SND1: variants seen among roughly 807,000 people sequenced by gnomAD.
The protein encoded by SND1 is staphylococcal nuclease and tudor domain containing 1, also known as staphylococcal nuclease domain-containing protein 1.
SND1 carries 38 observed loss-of-function variants against 121.7 expected under a neutral mutation model. The observed-to-expected ratio is 0.31, with a 90% CI of 0.24 to 0.41. The LOEUF (loss-of-function observed/expected upper bound fraction) is 0.41, where lower values mean the gene tolerates loss of function less well. SND1 is among the 10% of genes least tolerant of loss of function. SND1 has a pLI of 1.00. For synonymous variants in SND1, 401 were observed against 447.4 expected, an observed-to-expected ratio of 0.90 and a Z score of 1.31; for missense variants, 868 against 1,184.6, an observed-to-expected ratio of 0.73 and a Z score of 3.92.
intron 1 of SND1, among the ~76,000 whole-genome samples, chr7:127,674,152 C>A (rs1795577047): frequency 6.6e-6 from 1 of 152,018 alleles, no homozygotes; most frequent in African/African-American, 2.4e-5. Flanking sequence ...CTGCCCTCCT[C>A]CCTCCTTCCG....
intron 12 of SND1, among the ~76,000 whole-genome samples, chr7:127,866,783 T>C (rs1467032968): frequency 2.0e-5 from 3 of 152,344 alleles, no homozygotes; most frequent in African/African-American, 7.2e-5. Context: ...CTGTCAGCAG[T>C]CTCATCTCTT....
chr7:128,064,359 C>A (rs1432865239), intron 16 of SND1, among the ~76,000 whole-genome samples: 3 of 152,100 alleles, frequency 2.0e-5, no homozygotes, highest in African/African-American at 7.2e-5. Flanking sequence ...TCCTTAGAGA[C>A]AAGTCTGGTA....
chr7:128,062,874 T>C (rs2117036166), intron 16 of SND1, among the ~76,000 whole-genome samples: 1 of 152,320 alleles, frequency 6.6e-6, no homozygotes, highest in South Asian at 2.1e-4. Context: ...AGCAACTGCC[T>C]TTCCTCAAAG....
chr7:127,782,132 T>A (rs1009380336), intron 10 of SND1, among the ~76,000 whole-genome samples: 1 of 152,188 alleles, frequency 6.6e-6, no homozygotes, highest in East Asian at 1.9e-4. Flanking sequence ...CTTAGTCCAG[T>A]GCCTTATTTA....
At chr7:127,744,984 A>G (rs1185205980) in intron 10 of SND1, among the ~76,000 whole-genome samples, 3 of 152,226 alleles carry the variant, frequency 2.0e-5, no homozygotes, top group East Asian at 1.9e-4. Flanking sequence ...CTTCTGTTAC[A>G]TTCATAAACT....
At chr7:127,655,282 A>G (rs952767220) in intron 1 of SND1, among the ~76,000 whole-genome samples, 3 of 152,208 alleles carry the variant, frequency 2.0e-5, no homozygotes, top group African/African-American at 7.2e-5. Flanking sequence ...CTATCCTGTT[A>G]AGTCCTACAT....
intron 12 of SND1, among the ~76,000 whole-genome samples, chr7:127,848,518 C>T (rs1435363087): frequency 6.6e-6 from 1 of 152,172 alleles, no homozygotes; most frequent in Non-Finnish European, 1.5e-5. Flanking sequence ...CTTGCATAGC[C>T]TCTGAAAAGT....
intron 12 of SND1, among the ~76,000 whole-genome samples, chr7:127,862,395 C>G (rs1162935881): frequency 2.6e-5 from 4 of 152,144 alleles, no homozygotes; most frequent in Non-Finnish European, 5.9e-5. Context: ...TAGGACAATT[C>G]CCCATTTGCA....
intron 14 of SND1, among the ~76,000 whole-genome samples, chr7:127,927,563 T>C (rs563635851): frequency 1.3e-5 from 2 of 152,310 alleles, no homozygotes; most frequent in South Asian, 4.1e-4. Context: ...AAGTGTTCAA[T>C]GGGGAAGTTT....
At chr7:128,003,491 A>G (rs1003074937) in intron 16 of SND1, among the ~76,000 whole-genome samples, 2 of 152,184 alleles carry the variant, frequency 1.3e-5, no homozygotes, top group African/African-American at 4.8e-5. Flanking sequence ...GTGTACAGCT[A>G]GAGGTGGAAG....
At chr7:128,087,329 G>T (rs1423942898) in intron 21 of SND1, among the ~76,000 whole-genome samples, 2 of 152,076 alleles carry the variant, frequency 1.3e-5, no homozygotes, top group African/African-American at 2.4e-5. Flanking sequence ...GAGGTGATCA[G>T]GCAGTGGCAG....
intron 10 of SND1, among the ~76,000 whole-genome samples, chr7:127,786,354 G>A (rs1384792422): frequency 6.6e-6 from 1 of 152,174 alleles, no homozygotes; most frequent in African/African-American, 2.4e-5. Flanking sequence ...AAGTAAAGAA[G>A]TCATCTGGAT....
intron 16 of SND1, among the ~76,000 whole-genome samples, chr7:128,070,922 C>T (rs1451742441): frequency 3.3e-5 from 5 of 152,150 alleles, no homozygotes; most frequent in Admixed American, 1.3e-4. Context: ...AGTCATCTGG[C>T]GGGGCACATT....
chr7:127,744,549 A>G (rs1796944116), intron 10 of SND1, among the ~76,000 whole-genome samples: 1 of 152,186 alleles, frequency 6.6e-6, no homozygotes, highest in African/African-American at 2.4e-5. Context: ...TATAAGAGAC[A>G]TTTTGAACTG....
chr7:127,920,858 CAA>C (rs34784173), intron 14 of SND1, among the ~76,000 whole-genome samples: 10 of 120,398 alleles, frequency 8.3e-5, no homozygotes, highest in African/African-American at 1.8e-4. Flanking sequence ...CTTATCTTAA[CAA>C]AAAAAAAAAA....
chr7:127,897,546 T>C lies in SND1; in HGVS notation c.1455-7201T>C, dbSNP rs148606597. 4.3e-4 allele frequency among the ~76,000 whole-genome samples: 65 copies of C among 152,246 alleles called. 1 individual carries two copies. Among genetic ancestry groups the C allele is most frequent in the African/African-American group, 1.5e-3 (63 of 41,560 alleles). The stretch of plus-strand genomic sequence containing the variant: ...ATTCATAGGGAAAGGAGCACCCAGA[T>C]TGATGGGTTATCCACCAATAGAGTC... On this transcript the variant is annotated intron_variant, in intron 13 of 23. Transcript: ENST00000354725.
At chr7:127,691,269 G>T (rs143090312) in intron 2 of SND1, among the ~76,000 whole-genome samples, 1 of 152,072 alleles carries the variant, frequency 6.6e-6, no homozygotes, top group Non-Finnish European at 1.5e-5. Flanking sequence ...GTGGCTGGGC[G>T]CAGTGGCTTA....
chr7:128,030,285 A>T, intron 16 of SND1: 1 of 1,614,090 alleles, frequency 6.2e-7, no homozygotes, highest in Non-Finnish European at 8.5e-7. Context: ...CAGGCCGTTG[A>T]AGGCCCCCAC....
intron 6 of SND1, among the ~76,000 whole-genome samples, 191 bp downstream of exon 6, chr7:127,702,717 T>A (rs1477422347): frequency 6.6e-6 from 1 of 152,234 alleles, no homozygotes; most frequent in African/African-American, 2.4e-5. Flanking sequence ...ATTTATTTTT[T>A]AAAGTATTCT....
Sources: allele counts gnomAD v4.1 joint callset (sites outside exome capture counted in the v4.1 genomes callset), GRCh38; gene constraint gnomAD v4.1.1; transcripts MANE v1.5; gene names NCBI Gene and HGNC (gene_info 2026-07-23, HGNC 2026-07-21).